PROM2: variants seen among roughly 807,000 people sequenced by gnomAD.
PROM2 encodes the protein prominin-2.
PROM2 carries 90 observed loss-of-function variants against 110.2 expected under a neutral mutation model. The observed-to-expected ratio is 0.82, with a 90% CI of 0.69 to 0.97. PROM2 has a LOEUF of 0.97. Ranked by LOEUF, PROM2 falls within the 50% of genes least tolerant of loss-of-function variation. PROM2 has a pLI of 0.00. For synonymous variants in PROM2, 470 were observed against 467.8 expected, an observed-to-expected ratio of 1.00 and a Z score of -0.06; for missense variants, 1,009 against 1,074.8, an observed-to-expected ratio of 0.94 and a Z score of 0.86.
chr2:95,274,534 CCTGGGCTTGT>C lies in PROM2; in HGVS notation c.-48_-39del. 3 of 1,512,574 alleles carry C rather than the reference CCTGGGCTTGT, an allele frequency of 2.0e-6. No homozygotes were observed. The South Asian group carries it at 4.0e-5, about 20-fold the overall frequency. The allele number at this position is 1,512,574 out of a possible 1,614,324, so 93.7% of individuals were successfully genotyped here. A position where few individuals can be genotyped will look rare whatever the true frequency, so the allele number is the denominator to read the frequency against. On this transcript the variant is annotated 5_prime_UTR_variant, in exon 1 of 24. The change creates a premature stop within an existing upstream ORF in the 5' untranslated region. Transcript: ENST00000317620. ...GGCTGGAGAAGGATGTATGGCCTGCCCTGGGCTTGTCTGTTCCCTCCTGAGCCTGAGCCCC... is the reference window on the plus strand; with the variant it reads ...GGCTGGAGAAGGATGTATGGCCTGCCCTGTTCCCTCCTGAGCCTGAGCCCC...
At chr2:95,285,138 G>T in intron 15 of PROM2, 23 bp downstream of exon 15, 2 of 1,529,060 alleles carry the variant, frequency 1.3e-6, no homozygotes, top group Non-Finnish European at 1.8e-6. Context: ...CACCTCAGCA[G>T]GGCTTCCTCA....
In PROM2 at chr2:95,275,495, C is replaced by T. The variant is rs374995064; in HGVS notation, c.279C>T (p.Ser93=). The change falls in exon 2 of 24, where the codon TCC becomes TCT. Residue 93 remains serine (S), a synonymous_variant. Coordinates refer to ENST00000317620, the MANE Select transcript of PROM2 (RefSeq NM_001165978.3). The surrounding 1 kb of genome is among the most constrained non-coding windows in gnomAD (Gnocchi z 4.4). Reference sequence around the variant, plus strand: ...AGGCCCTACTGAATGAGCTGGCCTCCGTGAAGGTGAATGAGGTGAGCAAGC... The same window carrying T: ...AGGCCCTACTGAATGAGCTGGCCTCTGTGAAGGTGAATGAGGTGAGCAAGC... ...LVKALLNELA[S]VKVNEVVRYE... 2.0e-5 allele frequency: 32 copies of T among 1,613,626 alleles called. No homozygotes were observed. The Admixed American group carries it at 3.2e-4, about 16-fold the overall frequency.
In PROM2 at chr2:95,276,701, GC is replaced by G; in HGVS notation, c.682+48del. On this transcript the variant is annotated intron_variant, in intron 5 of 23. Transcript: ENST00000317620. The surrounding 1 kb of genome is among the most constrained non-coding windows in gnomAD (Gnocchi z 4.6). ...GGCAGGTGGGCTGGCTCCTTCCAGGGCCCCTGCTCGGGTGCCTCGGTGGGGG... is the reference window on the plus strand; with the variant it reads ...GGCAGGTGGGCTGGCTCCTTCCAGGGCCCTGCTCGGGTGCCTCGGTGGGGG... 1 of 1,603,018 alleles carries G rather than the reference GC, an allele frequency of 6.2e-7. No individual in the cohort carries two copies. The highest frequency in any genetic ancestry group is 8.5e-7 in the Non-Finnish European group (1 of 1,172,108).
chr2:95,286,423 G>A, intron 16 of PROM2, 56 bp from the exon 17 acceptor site: 1 of 1,471,992 alleles, frequency 6.8e-7, no homozygotes, highest in Non-Finnish European at 9.5e-7. Context: ...CTGAAAGGCT[G>A]GGTGACGGGT....
Position 95,281,360 on chromosome 2 carries a change from T to C in PROM2, c.1546T>C (p.Phe516Leu). Residue 516 changes from phenylalanine to leucine, a missense_variant, in exon 12 of 24, where the codon TTT (phenylalanine) becomes CTT (leucine). Coordinates refer to ENST00000317620, the MANE Select transcript of PROM2 (RefSeq NM_001165978.3). ...VCQSWENGELFEFADTPGNLP... is the reference protein window; with the variant it reads ...VCQSWENGELLEFADTPGNLP... The stretch of plus-strand genomic sequence containing the variant: ...CCAGAGCTGGGAGAACGGCGAGCTC[T>C]TTGAGGTAGGCCTGTCTCTGCTCAC... 1 of 1,610,864 alleles carries C rather than the reference T, an allele frequency of 6.2e-7. No homozygotes were observed. Among genetic ancestry groups the C allele is most frequent in the South Asian group, 1.1e-5 (1 of 91,008 alleles).
chr2:95,276,558 C>G lies in PROM2; in HGVS notation c.619-36C>G, dbSNP rs780573185. On this transcript the variant is annotated intron_variant, in intron 4 of 23. Transcript: ENST00000317620. This position sits in a 1 kb window ranked among gnomAD's most constrained non-coding sequence, Gnocchi z 4.6. ...GAAGGGCGTAAGGACTGTGGGTGAC[C>G]AGGAAGGGCAGCCTCAGGGCCTTGT... 1 of 1,613,734 alleles carries G rather than the reference C, an allele frequency of 6.2e-7. No individual in the cohort carries two copies. Among genetic ancestry groups the G allele is most frequent in the South Asian group, 1.1e-5 (1 of 91,060 alleles).
rs1344836094 is a variant in PROM2, at chr2:95,276,485, ACCACCCTCAGGGTG to A, written c.619-108_619-95del. On this transcript the variant is annotated intron_variant, in intron 4 of 23. Coordinates refer to ENST00000317620, the MANE Select transcript of PROM2 (RefSeq NM_001165978.3). The surrounding 1 kb of genome is among the most constrained non-coding windows in gnomAD (Gnocchi z 4.6). ...CTCTCCCGCCCTTGCCTGAGAGTCGACCACCCTCAGGGTGGATGCCATAGGGGCAGGGAAGGGGC... is the reference window on the plus strand; with the variant it reads ...CTCTCCCGCCCTTGCCTGAGAGTCGAGATGCCATAGGGGCAGGGAAGGGGC... The A allele has an allele frequency of 1.9e-6, 3 of 1,592,190 alleles. No homozygotes were observed. The highest frequency in any genetic ancestry group is 2.6e-6 in the Non-Finnish European group (3 of 1,162,620).
Position 95,288,558 on chromosome 2 carries a change from A to AAATACTTCCGTCC in PROM2, c.2411_2423dup (p.Arg810LeufsTer14). The AAATACTTCCGTCC allele has an allele frequency of 4.3e-6, 7 of 1,614,176 alleles. No individual in the cohort carries two copies. The highest frequency in any genetic ancestry group is 5.9e-6 in the Non-Finnish European group (7 of 1,180,016). On this transcript the variant is annotated frameshift_variant, in exon 22 of 24. Transcript: ENST00000317620. LOFTEE classifies it high-confidence loss of function. Reference sequence around the variant, plus strand: ...CATCATCTTTGCCGTCAAGACCTCCAAATACTTCCGTCCTATCCGGAAACG... The same window carrying AAATACTTCCGTCC: ...CATCATCTTTGCCGTCAAGACCTCCAAATACTTCCGTCCAATACTTCCGTCCTATCCGGAAACG...
Position 95,276,835 on chromosome 2 carries a change from C to A in PROM2, c.683-137C>A. 1 of 1,097,652 alleles carries A rather than the reference C, an allele frequency of 9.1e-7. No individual in the cohort carries two copies. The highest frequency in any genetic ancestry group is 1.3e-6 in the Non-Finnish European group (1 of 750,678). The allele number at this position is 1,097,652 out of a possible 1,614,324, so 68.0% of individuals were successfully genotyped here. A position where few individuals can be genotyped will look rare whatever the true frequency, so the allele number is the denominator to read the frequency against. ...GCCACTCAGCTGCTGGAGGAAGAAG[C>A]CGTGTCCCCGCTCCTTCACTCCCCT... On this transcript the variant is annotated intron_variant, in intron 5 of 23. Transcript: ENST00000317620. The surrounding 1 kb of genome is among the most constrained non-coding windows in gnomAD (Gnocchi z 4.6).
Position 95,276,071 on chromosome 2 carries a change from G to T in PROM2, c.436G>T (p.Ala146Ser), listed in dbSNP as rs939899617. ...CGGRVKTEHK[A>S]LACERAALMV... ...GGGACGAGTGAAGACAGAGCACAAG[G>T]CGCTGGCCTGTGAGCGCGCGGCCCT... Residue 146 changes from alanine to serine, a missense_variant, in exon 3 of 24, where the codon GCG becomes TCG. Ala to Ser is a moderately conservative substitution (Grantham distance 99). Coordinates refer to ENST00000317620, the MANE Select transcript of PROM2 (RefSeq NM_001165978.3). The surrounding 1 kb of genome is among the most constrained non-coding windows in gnomAD (Gnocchi z 4.6). 6.2e-7 allele frequency: 1 copy of T among 1,611,278 alleles called. No homozygotes were observed. The highest frequency in any genetic ancestry group is 8.5e-7 in the Non-Finnish European group (1 of 1,179,878).
At chr2:95,278,409 T>C in intron 8 of PROM2, 1 of 544,706 alleles carries the variant, frequency 1.8e-6, no homozygotes, top group Non-Finnish European at 3.3e-6. Flanking sequence ...AAGTCAGAGC[T>C]GAGGCTAGAA....
At chr2:95,277,095 C>G (rs1199174815) in intron 6 of PROM2, 34 bp downstream of exon 6, 2 of 1,528,478 alleles carry the variant, frequency 1.3e-6, no homozygotes, top group Non-Finnish European at 8.8e-7. Flanking sequence ...TAGTGTGGAG[C>G]CCAGCGGGTG....
At position 95,278,775 on chromosome 2, in the gene PROM2, G is replaced by T; in HGVS notation, c.1105G>T (p.Val369Leu). The T allele has an allele frequency of 6.2e-7, 1 of 1,614,040 alleles. No homozygotes were observed. The highest frequency in any genetic ancestry group is 8.5e-7 in the Non-Finnish European group (1 of 1,180,030). Residue 369 changes from valine (V) to leucine (L), a missense_variant, in exon 9 of 24, where the codon GTG becomes TTG. Val to Leu is a conservative substitution (Grantham distance 32, BLOSUM62 1). Transcript: ENST00000317620. The part of the protein sequence containing the change: ...PALAAMQTSS[V>L]VQELKKAVAQ... ...CCTGGCTGCCATGCAGACATCCAGC[G>T]TGGTGCAAGGTTAGGCCACACGGGT...
Position 95,279,985 on chromosome 2 carries a change from G to T in PROM2, c.1415G>T (p.Arg472Leu). 1.4e-6 allele frequency: 2 copies of T among 1,460,064 alleles called. No homozygotes were observed. Among genetic ancestry groups the T allele is most frequent in the Non-Finnish European group, 1.8e-6 (2 of 1,101,658 alleles). The allele number at this position is 1,460,064 out of a possible 1,614,324, so 90.4% of individuals were successfully genotyped here. The change falls in exon 11 of 24, where the codon CGC becomes CTC. Residue 472 changes from arginine (R) to leucine (L), a missense_variant. Coordinates refer to ENST00000317620, the MANE Select transcript of PROM2 (RefSeq NM_001165978.3). ...GAAGCCAAGGGCGAGGCTGGAGCCC[G>T]CTTCCTCATGGCGTAAGAAAGGGCT... Reference protein sequence around the residue: ...HPEAKGEAGARFLMAGVGLSF... With the variant: ...HPEAKGEAGALFLMAGVGLSF...
Position 95,282,464 on chromosome 2 carries a change from G to T in PROM2, c.1728+238G>T, listed in dbSNP as rs372514745. Among the ~76,000 whole-genome samples, 28 of 152,298 alleles carry T rather than the reference G, an allele frequency of 1.8e-4. No homozygotes were observed. In the East Asian group the frequency reaches 5.4e-3, roughly 29 times the overall value. Reference sequence around the variant, plus strand: ...AGCCCCAAGCACAGCCAAGGTGGCAGCAGGAAAGGCTGGTGACAGTGAGCA... The same window carrying T: ...AGCCCCAAGCACAGCCAAGGTGGCATCAGGAAAGGCTGGTGACAGTGAGCA... On this transcript the variant is annotated intron_variant, in intron 14 of 23. Coordinates refer to ENST00000317620, the MANE Select transcript of PROM2 (RefSeq NM_001165978.3).
At chr2:95,281,627 T>C (rs1390749569) in intron 12 of PROM2, among the ~76,000 whole-genome samples, 1 of 152,058 alleles carries the variant, frequency 6.6e-6, no homozygotes, top group Non-Finnish European at 1.5e-5. Context: ...TTCCCTCTCA[T>C]CTCCTAACAC....
Position 95,279,123 on chromosome 2 carries a change from T to C in PROM2, c.1253T>C (p.Val418Ala). ...EESSRPYLQEVQRYETYRWIV... is the reference protein window; with the variant it reads ...EESSRPYLQEAQRYETYRWIV... ...AGCAGCCGCCCCTACCTGCAGGAGG[T>C]GCAGAGATACGAGACCTACAGGTGC... Residue 418 changes from valine (V) to alanine (A), a missense_variant, in exon 10 of 24, where the codon GTG (valine) becomes GCG (alanine). By Grantham distance (64) the Val-to-Ala change is moderately conservative. Transcript: ENST00000317620. 1.5e-6 allele frequency: 2 copies of C among 1,333,024 alleles called. No homozygotes were observed. 82.6% of individuals were successfully genotyped at this position (1,333,024 alleles called of 1,614,324 possible).
chr2:95,280,106 T>G (rs1432226130), intron 11 of PROM2, 109 bp downstream of exon 11: 5 of 1,119,184 alleles, frequency 4.5e-6, no homozygotes, highest in Admixed American at 3.9e-5. Context: ...TGTCATCATC[T>G]GAATAAAGGG....
At position 95,276,544 on chromosome 2, in the gene PROM2, G is replaced by A. The variant is rs1339220189; in HGVS notation, c.619-50G>A. 1 of 1,612,960 alleles carries A rather than the reference G, an allele frequency of 6.2e-7. No individual in the cohort carries two copies. The highest frequency in any genetic ancestry group is 2.2e-5 in the East Asian group (1 of 44,876). On this transcript the variant is annotated intron_variant, in intron 4 of 23. Coordinates refer to ENST00000317620, the MANE Select transcript of PROM2 (RefSeq NM_001165978.3). This position sits in a 1 kb window ranked among gnomAD's most constrained non-coding sequence, Gnocchi z 4.6. ...AGGGGCCAGGGAGAGAAGGGCGTAA[G>A]GACTGTGGGTGACCAGGAAGGGCAG... is the stretch of plus-strand genomic sequence containing the variant.
Sources: allele counts gnomAD v4.1 joint callset (sites outside exome capture counted in the v4.1 genomes callset), GRCh38; gene constraint gnomAD v4.1.1; non-coding constraint Gnocchi (gnomAD v3.1); transcripts MANE v1.5; gene names NCBI Gene and HGNC (gene_info 2026-07-23, HGNC 2026-07-21).